EPHB6: variants seen among roughly 807,000 people sequenced by gnomAD.
The protein encoded by EPHB6 is EPH receptor B6.
In EPHB6, 51 loss-of-function variants were observed where a neutral mutation model predicts 107.0. The observed-to-expected ratio is 0.48, with a 90% CI of 0.38 to 0.60. The LOEUF is 0.60. Among genes scored for constraint, EPHB6 ranks in the 20% least tolerant of loss-of-function variants. The pLI, the probability that EPHB6 is intolerant of heterozygous loss-of-function variation, is 0.00. For missense variants in EPHB6, 1,141 were observed against 1,355.5 expected (o/e 0.84, Z 2.48); for synonymous variants, 553 against 549.0 (o/e 1.01, Z -0.10).
In EPHB6 at chr7:142,867,590, T is replaced by G; in HGVS notation, c.1751-18T>G. The G allele has an allele frequency of 1.2e-6, 2 of 1,603,398 alleles. No homozygotes were observed. Among genetic ancestry groups the G allele is most frequent in the Non-Finnish European group, 1.7e-6 (2 of 1,174,858 alleles). ...GAGAGACCTGGCCCACCTGTGACCC[T>G]GTCGGCTGGTCCCCCAGGGGAGCTG... is the stretch of plus-strand genomic sequence containing the variant. On this transcript the variant is annotated intron_variant, in intron 11 of 19. Transcript: ENST00000652003. This position sits in a 1 kb window ranked among gnomAD's most constrained non-coding sequence, Gnocchi z 5.3.
Position 142,869,186 on chromosome 7 carries a change from T to G in EPHB6, c.2460+39T>G, listed in dbSNP as rs763662575. The G allele has an allele frequency of 1.2e-6, 2 of 1,601,336 alleles. 1 individual carries two copies. Among genetic ancestry groups the G allele is most frequent in the South Asian group, 2.2e-5 (2 of 90,896 alleles). On this transcript the variant is annotated intron_variant, in intron 16 of 19. Coordinates refer to ENST00000652003, the MANE Select transcript of EPHB6 (RefSeq NM_004445.6). This position sits in a 1 kb window ranked among gnomAD's most constrained non-coding sequence, Gnocchi z 4.5. ...CTTGGGGACACAGCCTGGGGCCTTGTGGCATGCCCCAGCAGGTGCTGGGGT... is the reference window on the plus strand; with the variant it reads ...CTTGGGGACACAGCCTGGGGCCTTGGGGCATGCCCCAGCAGGTGCTGGGGT...
In EPHB6 at chr7:142,865,480, C is replaced by T. The variant is rs768043181; in HGVS notation, c.955C>T (p.Pro319Ser). Reference protein sequence around the residue: ...ARGDKACQACPRGLYKASAGN... With the variant: ...ARGDKACQACSRGLYKASAGN... ...ACTCTCCTCTGCCTCCTCAGCCTGC[C>T]CACGGGGGCTCTATAAGGCTTCTGC... is the stretch of plus-strand genomic sequence containing the variant. Residue 319 changes from proline to serine, a missense_variant, in exon 8 of 20, where the codon CCA becomes TCA. By Grantham distance (74) the Pro-to-Ser change is moderately conservative. This residue lies in a region of EPHB6 where 304 missense variants were observed against 295.7 expected (regional missense o/e 1.03). Transcript: ENST00000652003. 1.2e-6 allele frequency: 2 copies of T among 1,613,288 alleles called. No individual in the cohort carries two copies. The highest frequency in any genetic ancestry group is 2.2e-5 in the East Asian group (1 of 44,850).
Position 142,869,699 on chromosome 7 carries a change from G to C in EPHB6, c.2461-118G>C. ...ATCATCCACCTTAGAGGGTTGTTAT[G>C]AGGATTAAATGAGATGCTTGATGTA... is the stretch of plus-strand genomic sequence containing the variant. On this transcript the variant is annotated intron_variant, in intron 16 of 19. Transcript: ENST00000652003. The surrounding 1 kb of genome is among the most constrained non-coding windows in gnomAD (Gnocchi z 4.5). 8.3e-7 allele frequency: 1 copy of C among 1,205,092 alleles called. No individual in the cohort carries two copies. The highest frequency in any genetic ancestry group is 1.2e-6 in the Non-Finnish European group (1 of 834,754). The allele number at this position is 1,205,092 out of a possible 1,614,324, so 74.6% of individuals were successfully genotyped here.
At chr7:142,859,874 A>G (rs1317751082) in intron 1 of EPHB6, among the ~76,000 whole-genome samples, 1 of 152,146 alleles carries the variant, frequency 6.6e-6, no homozygotes, top group Non-Finnish European at 1.5e-5. Context: ...TGGCCTTAAC[A>G]TCCATGTTTC....
rs1228497082 is a variant in EPHB6 at position 142,868,771 on chromosome 7, C to T, written c.2286+32C>T. 2.5e-6 allele frequency: 4 copies of T among 1,613,496 alleles called. No homozygotes were observed. Among genetic ancestry groups the T allele is most frequent in the Non-Finnish European group, 2.5e-6 (3 of 1,180,016 alleles). On this transcript the variant is annotated intron_variant, in intron 15 of 19. Coordinates refer to ENST00000652003, the MANE Select transcript of EPHB6 (RefSeq NM_004445.6). The surrounding 1 kb of genome is among the most constrained non-coding windows in gnomAD (Gnocchi z 4.2). ...CCAGCCTGGGTGAAGGAGGAGGGTC[C>T]TTGGGTCCAGGAAAGCTTCCAGGAG...
At position 142,864,692 on chromosome 7, in the gene EPHB6, G is replaced by C. The variant is rs771280815; in HGVS notation, c.892G>C (p.Gly298Arg). 1.2e-6 allele frequency: 2 copies of C among 1,612,788 alleles called. No homozygotes were observed. The highest frequency in any genetic ancestry group is 1.7e-6 in the Non-Finnish European group (2 of 1,179,958). ...GGAGGGCAAGTGGATGGTAGCTGTC[G>C]GGGGCTGCCGCTGCCAGCCTGGATA... ...NGEGKWMVAV[G>R]GCRCQPGYQP... The change falls in exon 7 of 20, where the codon GGG becomes CGG. Residue 298 changes from glycine (G) to arginine (R), a missense_variant. Gly to Arg is a moderately radical substitution (Grantham distance 125, BLOSUM62 -2). Transcript: ENST00000652003.
chr7:142,868,767 G>T lies in EPHB6; in HGVS notation c.2286+28G>T. On this transcript the variant is annotated intron_variant, in intron 15 of 19. Transcript: ENST00000652003. This position sits in a 1 kb window ranked among gnomAD's most constrained non-coding sequence, Gnocchi z 4.2. ...CAGTCCAGCCTGGGTGAAGGAGGAG[G>T]GTCCTTGGGTCCAGGAAAGCTTCCA... 1 of 1,613,608 alleles carries T rather than the reference G, an allele frequency of 6.2e-7. No individual in the cohort carries two copies. The highest frequency in any genetic ancestry group is 8.5e-7 in the Non-Finnish European group (1 of 1,180,010).
intron 1 of EPHB6, among the ~76,000 whole-genome samples, chr7:142,858,834 CT>C (rs1205517961): frequency 1.3e-5 from 2 of 152,042 alleles, no homozygotes; most frequent in African/African-American, 4.8e-5. Flanking sequence ...AAGAAACAGT[CT>C]TATTTTTGTA....
In EPHB6 at chr7:142,870,085, CAT is replaced by C. The variant is rs1794825544; in HGVS notation, c.2610+122_2610+123del. 3.8e-6 allele frequency: 6 copies of C among 1,585,188 alleles called. No homozygotes were observed. In the African/African-American group the frequency reaches 6.7e-5, roughly 18 times the overall value. ...TAAGATCTCATGGCTGTTGGATTGC[CAT>C]ATCTTTGAGTTCCTTCTCCACTCCA... On this transcript the variant is annotated intron_variant, in intron 17 of 19. Coordinates refer to ENST00000652003, the MANE Select transcript of EPHB6 (RefSeq NM_004445.6).
chr7:142,866,210 G>T lies in EPHB6; in HGVS notation c.1356G>T (p.Arg452=). The T allele has an allele frequency of 1.2e-6, 2 of 1,614,114 alleles. No individual in the cohort carries two copies. The highest frequency in any genetic ancestry group is 8.5e-7 in the Non-Finnish European group (1 of 1,180,018). ...TESRVLVGGL[R]AHVPYILEVQ... The stretch of plus-strand genomic sequence containing the variant: ...GCCGAGTGTTAGTGGGGGGACTCCG[G>T]GCACACGTACCCTACATCTTAGAGG... Residue 452 remains arginine (R), a synonymous_variant, in exon 9 of 20, where the codon CGG becomes CGT. Coordinates refer to ENST00000652003, the MANE Select transcript of EPHB6 (RefSeq NM_004445.6). This position sits in a 1 kb window ranked among gnomAD's most constrained non-coding sequence, Gnocchi z 5.2.
Position 142,868,101 on chromosome 7 carries a change from A to G in EPHB6, c.1918+52A>G. The G allele has an allele frequency of 6.2e-7, 1 of 1,613,560 alleles. No homozygotes were observed. Among genetic ancestry groups the G allele is most frequent in the Non-Finnish European group, 8.5e-7 (1 of 1,179,662 alleles). On this transcript the variant is annotated intron_variant, in intron 13 of 19. Coordinates refer to ENST00000652003, the MANE Select transcript of EPHB6 (RefSeq NM_004445.6). The surrounding 1 kb of genome is among the most constrained non-coding windows in gnomAD (Gnocchi z 4.2). ...GGGCTGGGGAACACATGGGTGGGGC[A>G]CATGGCAGGCAAGGCTGGATCCCCC...
rs772325702 is a variant in EPHB6 at position 142,868,138 on chromosome 7, G to T, written c.1918+89G>T. On this transcript the variant is annotated intron_variant, in intron 13 of 19. Transcript: ENST00000652003. This position sits in a 1 kb window ranked among gnomAD's most constrained non-coding sequence, Gnocchi z 4.2. ...AGGCTGGATCCCCCCAAGATTGGGG[G>T]AGCTCCTTGGCACAACCTTCTGGAG... 1 of 1,613,674 alleles carries T rather than the reference G, an allele frequency of 6.2e-7. No individual in the cohort carries two copies. The highest frequency in any genetic ancestry group is 1.3e-5 in the African/African-American group (1 of 74,920).
intron 5 of EPHB6, 134 bp from the exon 6 acceptor site, chr7:142,863,497 T>C (rs6956031): frequency 0.97 from 1,217,942 of 1,250,992 alleles, 593,468 homozygotes; most frequent in East Asian, 0.99. Flanking sequence ...AGGACCCTGA[T>C]GGACAGCTGT....
At position 142,864,472 on chromosome 7, in the gene EPHB6, C is replaced by G. The variant is rs541042559; in HGVS notation, c.672C>G (p.Val224=). 14 of 1,613,092 alleles carry G rather than the reference C, an allele frequency of 8.7e-6. No homozygotes were observed. The highest frequency in any genetic ancestry group is 1.2e-5 in the Non-Finnish European group (14 of 1,179,872). ...FQDTGACLAL[V]AVRLFSYTCP... Reference sequence around the variant, plus strand: ...ACACGGGGGCCTGCCTGGCCCTGGTCGCTGTCAGGCTCTTCTCCTACACCT... The same window carrying G: ...ACACGGGGGCCTGCCTGGCCCTGGTGGCTGTCAGGCTCTTCTCCTACACCT... Residue 224 remains valine, a synonymous_variant, in exon 7 of 20, where the codon GTC becomes GTG. Transcript: ENST00000652003.
rs8177154 is a variant in EPHB6, at chr7:142,867,892, G to A, written c.1866-105G>A. ...AGATGGGCAGGAGGGCCAGGCTGTC[G>A]TCCCCCCTCCACAGACCGACTAAAG... On this transcript the variant is annotated intron_variant, in intron 12 of 19. Transcript: ENST00000652003. This position sits in a 1 kb window ranked among gnomAD's most constrained non-coding sequence, Gnocchi z 5.3. 76,734 of 1,511,628 alleles carry A rather than the reference G, an allele frequency of 0.051. 2,415 individuals carry two copies. The highest frequency in any genetic ancestry group is 0.13 in the African/African-American group (9,679 of 72,162). The allele number at this position is 1,511,628 out of a possible 1,614,324, so 93.6% of individuals were successfully genotyped here. A position where few individuals can be genotyped will look rare whatever the true frequency, so the allele number is the denominator to read the frequency against.
In EPHB6 at chr7:142,867,526, G is replaced by GGT; in HGVS notation, c.1751-74_1751-73dup. 8.6e-7 allele frequency: 1 copy of GGT among 1,159,676 alleles called. No individual in the cohort carries two copies. Among genetic ancestry groups the GGT allele is most frequent in the South Asian group, 1.3e-5 (1 of 77,034 alleles). The allele number at this position is 1,159,676 out of a possible 1,614,324, so 71.8% of individuals were successfully genotyped here. On this transcript the variant is annotated intron_variant, in intron 11 of 19. Coordinates refer to ENST00000652003, the MANE Select transcript of EPHB6 (RefSeq NM_004445.6). This position sits in a 1 kb window ranked among gnomAD's most constrained non-coding sequence, Gnocchi z 5.3. ...GCGCGTGCATGTTGTGTGTGCCTGT[G>GGT]GTGTGTGTGGGTGCCTGGGCACATG...
In EPHB6 at chr7:142,863,655, A is replaced by G; in HGVS notation, c.125A>G (p.Glu42Gly). 6.2e-7 allele frequency: 1 copy of G among 1,613,790 alleles called. No homozygotes were observed. The highest frequency in any genetic ancestry group is 8.5e-7 in the Non-Finnish European group (1 of 1,179,966). ...LEEVLLDTTG[E>G]TSEIGWLTYP... ...GAGGTATTGCTGGACACCACCGGAG[A>G]GACATCTGAGATTGGCTGGCTCACC... is the stretch of plus-strand genomic sequence containing the variant. The change falls in exon 6 of 20, where the codon GAG becomes GGG. Residue 42 changes from glutamate to glycine, a missense_variant. Physicochemically the swap from Glu to Gly is moderately conservative, Grantham distance 98. Around this residue, in one of 3 missense-constraint regions of EPHB6, gnomAD observed 221 missense variants for 300.5 expected, o/e 0.74. Coordinates refer to ENST00000652003, the MANE Select transcript of EPHB6 (RefSeq NM_004445.6).
intron 8 of EPHB6, among the ~76,000 whole-genome samples, 159 bp downstream of exon 8, chr7:142,865,789 C>G (rs8177147): frequency 0.088 from 13,248 of 151,276 alleles, 1,387 homozygotes; most frequent in African/African-American, 0.25. Context: ...CCTTCTCTCC[C>G]TGACCCATCC....
At chr7:142,870,431 T>C (rs2116491690) in intron 18 of EPHB6, 24 bp downstream of exon 18, 1 of 1,613,840 alleles carries the variant, frequency 6.2e-7, no homozygotes, top group Admixed American at 1.7e-5. Flanking sequence ...GGCTAGAGCC[T>C]GGGAAAGCCA....
Sources: gnomAD v4.1 joint callset for allele counts (sites outside exome capture counted in the v4.1 genomes callset) on GRCh38, gnomAD v4.1.1 for gene constraint, gnomAD v4.1.1 regional missense constraint, Gnocchi (gnomAD v3.1) non-coding constraint, MANE v1.5 for transcripts, NCBI Gene and HGNC (gene_info 2026-07-23, HGNC 2026-07-21) for gene names.